Variants in TOLLIP observed in about 807,000 individuals in gnomAD.
TOLLIP encodes toll-interacting protein.
TOLLIP carries 16 observed loss-of-function variants against 33.5 expected under a neutral mutation model. The observed-to-expected ratio is 0.48, with a 90% confidence interval of 0.32 to 0.72. The LOEUF (loss-of-function observed/expected upper bound fraction) is 0.72, where lower values mean the gene tolerates loss of function less well. TOLLIP is among the 30% of genes least tolerant of loss of function. The pLI is 0.03. For synonymous variants in TOLLIP, 176 were observed against 163.7 expected (o/e 1.07, Z -0.57); for missense variants, 325 against 396.6 (o/e 0.82, Z 1.53).
intron 4 of TOLLIP, among the ~76,000 whole-genome samples, chr11:1,287,379 G>C (rs1476132805): frequency 6.7e-6 from 1 of 149,290 alleles, no homozygotes; most frequent in African/African-American, 2.5e-5. Context: ...GCCCAGAAAA[G>C]CAGCTCCCTG....
intron 2 of TOLLIP, chr11:1,292,094 T>C (rs1255589901): frequency 6.6e-6 from 1 of 152,290 alleles, no homozygotes; most frequent in Non-Finnish European, 1.5e-5. Flanking sequence ...TACTCCGGAA[T>C]GCTATGGAGT....
At chr11:1,279,074 G>A (rs1362778932) in intron 5 of TOLLIP, among the ~76,000 whole-genome samples, 3 of 152,242 alleles carry the variant, frequency 2.0e-5, no homozygotes, top group African/African-American at 7.2e-5. Flanking sequence ...CCAGTCTGAT[G>A]GGGAAGGGAC....
chr11:1,296,492 C>T (rs569374957), intron 1 of TOLLIP, among the ~76,000 whole-genome samples: 29 of 152,330 alleles, frequency 1.9e-4, no homozygotes, highest in Non-Finnish European at 4.0e-4. Context: ...AAACCATGCT[C>T]CACAGGTGAA....
chr11:1,288,351 A>G (rs1371411473), intron 4 of TOLLIP, among the ~76,000 whole-genome samples: 6 of 152,146 alleles, frequency 3.9e-5, no homozygotes, highest in Non-Finnish European at 7.4e-5. Flanking sequence ...TGCAGTGGAG[A>G]CCACCACAAA....
At chr11:1,284,574 C>A (rs1413824062) in intron 5 of TOLLIP, among the ~76,000 whole-genome samples, 1 of 152,174 alleles carries the variant, frequency 6.6e-6, no homozygotes, top group Non-Finnish European at 1.5e-5. Context: ...TGGTCTTGAT[C>A]TCCTGACCTC....
intron 5 of TOLLIP, among the ~76,000 whole-genome samples, chr11:1,280,378 G>A (rs1863453774): frequency 6.6e-6 from 1 of 152,126 alleles, no homozygotes; most frequent in African/African-American, 2.4e-5. Context: ...GCGTCCACCT[G>A]CGTGTTTTGC....
intron 2 of TOLLIP, chr11:1,295,444 A>T: frequency 1.7e-6 from 1 of 588,192 alleles, no homozygotes; most frequent in Non-Finnish European, 2.8e-6. Context: ...TCATCACTTG[A>T]GTTATGTTTG....
intron 1 of TOLLIP, among the ~76,000 whole-genome samples, chr11:1,300,158 G>A (rs1323517152): frequency 6.6e-6 from 1 of 152,210 alleles, no homozygotes; most frequent in Non-Finnish European, 1.5e-5. Flanking sequence ...TCATCCCACA[G>A]AGCTCACAGC....
intron 5 of TOLLIP, chr11:1,283,391 G>A: frequency 2.7e-6 from 1 of 368,578 alleles, no homozygotes; most frequent in Non-Finnish European, 5.3e-6. Flanking sequence ...GCAGGGTACA[G>A]CCCCAACGCG....
intron 1 of TOLLIP, chr11:1,298,573 A>C (rs79364943): frequency 6.6e-6 from 1 of 152,274 alleles, no homozygotes; most frequent in East Asian, 1.9e-4. Context: ...TACTGGGAGA[A>C]AATAAAATTA....
intron 3 of TOLLIP, 67 bp from the exon 4 acceptor site, chr11:1,288,843 C>T (rs904528585): frequency 3.9e-6 from 6 of 1,537,296 alleles, no homozygotes; most frequent in Non-Finnish European, 5.3e-6. Flanking sequence ...TGCAGCCGCA[C>T]CATCGTGGGC....
Position 1,274,830 on chromosome 11 carries a change from G to A in TOLLIP, c.*2209C>T, listed in dbSNP as rs1863233771. On this transcript the variant is annotated 3_prime_UTR_variant, in exon 6 of 6. Transcript: ENST00000317204. ...CTGGCAGACAAGCCTGTCCTTCTGA[G>A]TGTGACGACCTCATCCACACCTGAC... The A allele has an allele frequency of 6.6e-6, 1 of 151,920 alleles. No homozygotes were observed. Among genetic ancestry groups the A allele is most frequent in the South Asian group, 2.1e-4 (1 of 4,814 alleles). The allele number at this position is 151,920 out of a possible 1,614,324, so 9.4% of individuals were successfully genotyped here.
intron 1 of TOLLIP, among the ~76,000 whole-genome samples, chr11:1,300,321 G>A (rs1012358484): frequency 9.2e-5 from 14 of 152,116 alleles, no homozygotes; most frequent in African/African-American, 3.1e-4. Context: ...TGTGACTGAC[G>A]ACCATTCCTC....
chr11:1,295,891 A>T, intron 1 of TOLLIP, 97 bp from the exon 2 acceptor site: 4 of 1,397,928 alleles, frequency 2.9e-6, no homozygotes, highest in Non-Finnish European at 3.8e-6. Context: ...CCCCGCCCCC[A>T]CCCATGTCCT....
rs1046418653 is a variant in TOLLIP at position 1,290,612 on chromosome 11, A to T, written c.184-203T>A. Among the ~76,000 whole-genome samples, 5 of 152,282 alleles carry T rather than the reference A, an allele frequency of 3.3e-5. No homozygotes were observed. Among genetic ancestry groups the T allele is most frequent in the Admixed American group, 2.0e-4 (3 of 15,300 alleles). On this transcript the variant is annotated intron_variant, in intron 2 of 5. Transcript: ENST00000317204. This position sits in a 1 kb window ranked among gnomAD's most constrained non-coding sequence, Gnocchi z 4.9. ...AGAGTGAGCCACAGATGGATCGTGCAGTTCTGAGACAAAGCACGTGGCTCG... is the reference window on the plus strand; with the variant it reads ...AGAGTGAGCCACAGATGGATCGTGCTGTTCTGAGACAAAGCACGTGGCTCG...
Position 1,276,613 on chromosome 11 carries a change from G to C in TOLLIP, c.*426C>G, listed in dbSNP as rs905461417. 4 of 1,239,270 alleles carry C rather than the reference G, an allele frequency of 3.2e-6. No homozygotes were observed. The Admixed American group carries it at 9.3e-5, about 29-fold the overall frequency. The allele number at this position is 1,239,270 out of a possible 1,614,324, so 76.8% of individuals were successfully genotyped here. A position where few individuals can be genotyped will look rare whatever the true frequency, so the allele number is the denominator to read the frequency against. The stretch of plus-strand genomic sequence containing the variant: ...TGGGAAGTTCTAAAAAAAACCCACA[G>C]TGTGAGGGATTGTGTGTGCCTTAAA... On this transcript the variant is annotated 3_prime_UTR_variant, in exon 6 of 6. Transcript: ENST00000317204.
intron 2 of TOLLIP, among the ~76,000 whole-genome samples, chr11:1,295,207 G>A (rs770918842): frequency 6.6e-5 from 10 of 152,218 alleles, no homozygotes; most frequent in African/African-American, 1.9e-4. Flanking sequence ...AAGCAACCAC[G>A]GGCCGGCCCC....
chr11:1,308,956 G>A (rs1295192789), intron 1 of TOLLIP, among the ~76,000 whole-genome samples: 1 of 151,882 alleles, frequency 6.6e-6, no homozygotes. Flanking sequence ...TCCACCTGGG[G>A]GGCCATCAGG....
At chr11:1,295,856 G>A (rs1864098442) in intron 1 of TOLLIP, 62 bp from the exon 2 acceptor site, 3 of 1,491,044 alleles carry the variant, frequency 2.0e-6, no homozygotes, top group Non-Finnish European at 2.7e-6. Flanking sequence ...CAGCCCGACA[G>A]CAGCTGCCCC....
Sources: gnomAD v4.1 joint callset for allele counts (sites outside exome capture counted in the v4.1 genomes callset) on GRCh38, gnomAD v4.1.1 for gene constraint, Gnocchi (gnomAD v3.1) non-coding constraint, MANE v1.5 for transcripts, NCBI Gene and HGNC (gene_info 2026-07-23, HGNC 2026-07-21) for gene names.